The following METAP1D variants were observed in gnomAD, a reference collection of about 807,000 sequenced individuals.
METAP1D encodes the protein methionyl aminopeptidase type 1D, mitochondrial, also known as methionine aminopeptidase 1D, mitochondrial.
METAP1D carries 31 observed loss-of-function variants against 40.5 expected under a neutral mutation model. The ratio of observed to expected loss-of-function variants is 0.77; its 90% CI spans 0.58 to 1.03. METAP1D has a LOEUF of 1.03. Among genes scored for constraint, METAP1D ranks in the 50% least tolerant of loss-of-function variants. The pLI is 0.00. For synonymous variants in METAP1D, 151 were observed against 146.4 expected (o/e 1.03, Z -0.22); for missense variants, 411 against 420.7 (o/e 0.98, Z 0.20).
In METAP1D at chr2:172,066,249, C is replaced by A; in HGVS notation, c.498-15C>A. The A allele has an allele frequency of 6.3e-7, 1 of 1,582,474 alleles. No individual in the cohort carries two copies. The highest frequency in any genetic ancestry group is 8.6e-7 in the Non-Finnish European group (1 of 1,165,790). On this transcript the variant is annotated splice_polypyrimidine_tract_variant and intron_variant, in intron 4 of 9. Coordinates refer to ENST00000315796, the MANE Select transcript of METAP1D (RefSeq NM_199227.3). ...GATCTGTCTATCACCATTTTTTTTT[C>A]TGTTTACGTTTTAGTCGACCTCTTC...
intron 1 of METAP1D, among the ~76,000 whole-genome samples, chr2:172,043,594 T>A (rs1311169696): frequency 7.4e-6 from 1 of 134,786 alleles, no homozygotes; most frequent in Non-Finnish European, 1.7e-5. Context: ...TTTACAAAAA[T>A]TATTTTATTT....
At chr2:172,054,311 G>A (rs2105463344) in intron 1 of METAP1D, among the ~76,000 whole-genome samples, 1 of 152,192 alleles carries the variant, frequency 6.6e-6, no homozygotes, top group East Asian at 1.9e-4. Context: ...CACGAGGTCA[G>A]GAGATCGAGA....
intron 3 of METAP1D, 57 bp downstream of exon 3, chr2:172,063,917 T>C: frequency 6.7e-7 from 1 of 1,485,902 alleles, no homozygotes; most frequent in South Asian, 1.5e-5. Flanking sequence ...ACACTCCTCT[T>C]TTTTTCCTTC....
Position 172,080,643 on chromosome 2 carries a change from C to T in METAP1D, c.*237C>T. 1.7e-6 allele frequency: 1 copy of T among 600,104 alleles called. No homozygotes were observed. Among genetic ancestry groups the T allele is most frequent in the Non-Finnish European group, 3.0e-6 (1 of 338,810 alleles). 37.2% of individuals were successfully genotyped at this position (600,104 alleles called of 1,614,324 possible). A position where few individuals can be genotyped will look rare whatever the true frequency, so the allele number is the denominator to read the frequency against. On this transcript the variant is annotated 3_prime_UTR_variant, in exon 10 of 10. Coordinates refer to ENST00000315796, the MANE Select transcript of METAP1D (RefSeq NM_199227.3). ...AATCCTGGCCCTGGACTCGGTTTCC[C>T]AGCGCGGTCAACGCATCTGGAGGGG...
At position 172,081,832 on chromosome 2, in the gene METAP1D, G is replaced by A. The variant is rs2105511896; in HGVS notation, c.*1426G>A. 6.6e-6 allele frequency: 1 copy of A among 152,338 alleles called. No homozygotes were observed. The highest frequency in any genetic ancestry group is 1.5e-5 in the Non-Finnish European group (1 of 68,048). 9.4% of individuals were successfully genotyped at this position (152,338 alleles called of 1,614,324 possible). A position where few individuals can be genotyped will look rare whatever the true frequency, so the allele number is the denominator to read the frequency against. On this transcript the variant is annotated 3_prime_UTR_variant, in exon 10 of 10. Transcript: ENST00000315796. ...CCAGGACAGGTGGTGTCCTCGGCCA[G>A]GACTAAGAGCCAGCTCATCTTTGTA... is the stretch of plus-strand genomic sequence containing the variant.
intron 1 of METAP1D, among the ~76,000 whole-genome samples, chr2:172,030,391 G>C (rs77963593): frequency 0.072 from 10,970 of 152,050 alleles, 1,012 homozygotes; most frequent in East Asian, 0.49. Context: ...CACACCTGGC[G>C]TAAGCCTACA....
chr2:172,014,214 G>A (rs927482603), intron 1 of METAP1D, among the ~76,000 whole-genome samples: 1 of 151,910 alleles, frequency 6.6e-6, no homozygotes, highest in Non-Finnish European at 1.5e-5. Context: ...GGGTGCAAGC[G>A]ATTCTCCTGC....
chr2:172,052,207 C>T (rs1397308175), intron 1 of METAP1D, among the ~76,000 whole-genome samples: 2 of 152,186 alleles, frequency 1.3e-5, no homozygotes, highest in African/African-American at 4.8e-5. Context: ...GTGGCTTTAT[C>T]ATCCAGAGGC....
At chr2:172,030,668 T>C (rs1689221598) in intron 1 of METAP1D, among the ~76,000 whole-genome samples, 1 of 152,244 alleles carries the variant, frequency 6.6e-6, no homozygotes. Context: ...TTTCTGCTTT[T>C]GTCTTAAATT....
chr2:172,077,064 T>C (rs1254390275), intron 6 of METAP1D, among the ~76,000 whole-genome samples: 3 of 152,210 alleles, frequency 2.0e-5, no homozygotes, highest in Non-Finnish European at 4.4e-5. Context: ...GCAATGTACT[T>C]CTCCACATAC....
chr2:172,021,591 G>C (rs923897442), intron 1 of METAP1D, among the ~76,000 whole-genome samples: 3 of 152,190 alleles, frequency 2.0e-5, no homozygotes, highest in African/African-American at 2.4e-5. Context: ...TTTACACAAA[G>C]GTACTTTTAA....
chr2:172,022,183 A>G (rs1213607764), intron 1 of METAP1D, among the ~76,000 whole-genome samples: 2 of 152,130 alleles, frequency 1.3e-5, no homozygotes, highest in Non-Finnish European at 2.9e-5. Flanking sequence ...CCCTGCCCCC[A>G]TGCAGACTCC....
chr2:172,012,925 C>G (rs961185455), intron 1 of METAP1D, among the ~76,000 whole-genome samples: 9 of 152,090 alleles, frequency 5.9e-5, no homozygotes, highest in African/African-American at 2.2e-4. Context: ...CATAAAAGAA[C>G]ATTAAGTCTC....
intron 1 of METAP1D, among the ~76,000 whole-genome samples, chr2:172,018,405 T>C (rs1688930161): frequency 6.6e-6 from 1 of 152,050 alleles, no homozygotes; most frequent in African/African-American, 2.4e-5. Context: ...CAAGAAAACA[T>C]AATCCTGTTC....
chr2:172,060,701 A>G lies in METAP1D; in HGVS notation c.41-797A>G, dbSNP rs144989755. Among the ~76,000 whole-genome samples, 410 of 152,292 alleles carry G rather than the reference A, an allele frequency of 2.7e-3. 3 individuals are homozygous for G. Among genetic ancestry groups the G allele is most frequent in the African/African-American group, 8.8e-3 (364 of 41,568 alleles). The stretch of plus-strand genomic sequence containing the variant: ...CTCCAGAATTTTCTGTAAGTATACC[A>G]TAATATATTTAATCAGTCCCCTACT... On this transcript the variant is annotated intron_variant, in intron 1 of 9. Transcript: ENST00000315796.
chr2:172,013,212 G>A (rs1444975652), intron 1 of METAP1D, among the ~76,000 whole-genome samples: 1 of 152,222 alleles, frequency 6.6e-6, no homozygotes, highest in Non-Finnish European at 1.5e-5. Flanking sequence ...TCGAGCAGCA[G>A]GACTTGGCTT....
intron 1 of METAP1D, among the ~76,000 whole-genome samples, chr2:172,039,704 A>G (rs992059869): frequency 2.8e-5 from 4 of 143,066 alleles, no homozygotes; most frequent in South Asian, 2.2e-4. Flanking sequence ...CTCTCGCTCT[A>G]TCGCCCAGGC....
intron 1 of METAP1D, among the ~76,000 whole-genome samples, chr2:172,045,727 G>GTGTGTATA: frequency 1.2e-5 from 1 of 82,152 alleles, no homozygotes; most frequent in East Asian, 2.2e-4. Flanking sequence ...GTGTGTGTGT[G>GTGTGTATA]TGTGTATATA....
At chr2:172,037,665 A>G (rs1360362776) in intron 1 of METAP1D, among the ~76,000 whole-genome samples, 1 of 152,224 alleles carries the variant, frequency 6.6e-6, no homozygotes, top group Non-Finnish European at 1.5e-5. Flanking sequence ...TAAATCATAG[A>G]GCCAGAGCTG....
Sources: allele counts gnomAD v4.1 joint callset (sites outside exome capture counted in the v4.1 genomes callset), GRCh38; gene constraint gnomAD v4.1.1; transcripts MANE v1.5; gene names NCBI Gene and HGNC (gene_info 2026-07-23, HGNC 2026-07-21).